Variants in CEACAM5 observed in about 807,000 individuals in gnomAD.
CEACAM5 encodes the protein cell adhesion molecule CEACAM5.
CEACAM5 carries 52 observed loss-of-function variants against 63.0 expected under a neutral mutation model. That is an observed-to-expected ratio of 0.83 (90% CI 0.66 to 1.04). CEACAM5 has a LOEUF of 1.04. CEACAM5 is among the 50% of genes least tolerant of loss of function. The pLI, the probability that CEACAM5 is intolerant of heterozygous loss-of-function variation, is 0.00. For synonymous variants in CEACAM5, 357 were observed against 351.3 expected, an observed-to-expected ratio of 1.02 and a Z score of -0.18; for missense variants, 790 against 864.8, an observed-to-expected ratio of 0.91 and a Z score of 1.08.
At chr19:41,720,833 A>T in intron 7 of CEACAM5, 89 bp from the exon 8 acceptor site, 1 of 1,511,644 alleles carries the variant, frequency 6.6e-7, no homozygotes, top group Non-Finnish European at 9.1e-7. Flanking sequence ...TTGGGACAGG[A>T]TTCAGAGGGA....
intron 8 of CEACAM5, among the ~76,000 whole-genome samples, chr19:41,722,570 A>G (rs2072639991): frequency 6.6e-6 from 1 of 152,140 alleles, no homozygotes; most frequent in African/African-American, 2.4e-5. Context: ...TAACGATCTT[A>G]CAAAAATGGA....
intron 2 of CEACAM5, among the ~76,000 whole-genome samples, chr19:41,714,420 G>T (rs1484617806): frequency 6.6e-6 from 1 of 152,168 alleles, no homozygotes; most frequent in Non-Finnish European, 1.5e-5. Flanking sequence ...TGACCTCCAG[G>T]CTTGCCTCTG....
In CEACAM5 at chr19:41,729,256, T is replaced by G. The variant is rs2072741323; in HGVS notation, c.*109T>G. On this transcript the variant is annotated 3_prime_UTR_variant, in exon 10 of 10. Coordinates refer to ENST00000221992, the MANE Select transcript of CEACAM5 (RefSeq NM_004363.6). ...AAAATTGCTTCTTTACCAAGGATAT[T>G]TACAGAAAAGACTCTGACCAGAGAT... The G allele has an allele frequency of 6.6e-6, 1 of 152,124 alleles. No homozygotes were observed. 9.4% of individuals were successfully genotyped at this position (152,124 alleles called of 1,614,324 possible).
rs782063496 is a variant in CEACAM5, at chr19:41,721,022, G to A, written c.1872G>A (p.Gln624=). The change falls in exon 8 of 10, where the codon CAG becomes CAA. Residue 624 remains glutamine (Q), a synonymous_variant. Transcript: ENST00000221992. The stretch of plus-strand genomic sequence containing the variant: ...ACTCGGCCTCTAACCCATCCCCGCA[G>A]TATTCTTGGCGTATCAATGGGATAC... ...SCHSASNPSP[Q]YSWRINGIPQ... 6.2e-7 allele frequency: 1 copy of A among 1,614,134 alleles called. No individual in the cohort carries two copies. Among genetic ancestry groups the A allele is most frequent in the Non-Finnish European group, 8.5e-7 (1 of 1,180,026 alleles).
chr19:41,710,724 G>A (rs1365914767), intron 2 of CEACAM5, among the ~76,000 whole-genome samples: 1 of 152,196 alleles, frequency 6.6e-6, no homozygotes, highest in Non-Finnish European at 1.5e-5. Context: ...GTGTCCCCAG[G>A]AAGAGGAACA....
Position 41,730,295 on chromosome 19 carries a change from G to A in CEACAM5, c.*1148G>A, listed in dbSNP as rs1008946128. On this transcript the variant is annotated 3_prime_UTR_variant, in exon 10 of 10. Coordinates refer to ENST00000221992, the MANE Select transcript of CEACAM5 (RefSeq NM_004363.6). ...AAGTTAGCCGGGCGTGGTGGTGGGG[G>A]CCTGTAGTCCCAGCTACTCAGGAGG... Among the ~76,000 whole-genome samples the A allele has an allele frequency of 2.0e-5, 3 of 151,920 alleles. No individual in the cohort carries two copies. In the South Asian group the frequency reaches 6.2e-4, roughly 32 times the overall value.
intron 8 of CEACAM5, among the ~76,000 whole-genome samples, chr19:41,724,049 T>C (rs187067354): frequency 4.6e-5 from 7 of 152,348 alleles, no homozygotes; most frequent in African/African-American, 1.7e-4. Context: ...ACTGTGAAAT[T>C]AAATGTCATT....
At chr19:41,717,882 G>A in intron 5 of CEACAM5, 149 bp downstream of exon 5, 1 of 1,110,834 alleles carries the variant, frequency 9.0e-7, no homozygotes, top group East Asian at 2.4e-5. Context: ...AATCCATGCA[G>A]GCCCAGTCCT....
chr19:41,723,879 G>T (rs1250909168), intron 8 of CEACAM5, among the ~76,000 whole-genome samples: 2 of 150,500 alleles, frequency 1.3e-5, no homozygotes, highest in South Asian at 2.1e-4. Context: ...AACCCAGGAG[G>T]CATAGCTTGC....
intron 4 of CEACAM5, 130 bp downstream of exon 4, chr19:41,716,034 C>T: frequency 9.9e-7 from 1 of 1,010,090 alleles, no homozygotes; most frequent in Non-Finnish European, 1.5e-6. Flanking sequence ...CAGATTCTCC[C>T]ACTGAACCTC....
rs527722854 is a variant in CEACAM5, at chr19:41,715,203, C to T, written c.657C>T (p.Asn219=). The change falls in exon 3 of 10, where the codon AAC becomes AAT. Residue 219 remains asparagine, a synonymous_variant. Transcript: ENST00000221992. ...DTASYKCETQ[N]PVSARRSDSV... is the part of the protein sequence containing the mutation. ...CAAGCTACAAATGTGAAACCCAGAA[C>T]CCAGTGAGTGCCAGGCGCAGTGATT... 5.0e-6 allele frequency: 8 copies of T among 1,614,230 alleles called. No homozygotes were observed. In the East Asian group the frequency reaches 6.7e-5, roughly 13 times the overall value.
intron 2 of CEACAM5, among the ~76,000 whole-genome samples, chr19:41,713,608 C>T (rs1350035611): frequency 1.3e-5 from 2 of 152,244 alleles, no homozygotes; most frequent in Non-Finnish European, 2.9e-5. Context: ...TTGACAACCA[C>T]CATTCTACTC....
At chr19:41,717,396 T>C in intron 4 of CEACAM5, 59 bp from the exon 5 acceptor site, 1 of 1,557,866 alleles carries the variant, frequency 6.4e-7, no homozygotes, top group Non-Finnish European at 8.7e-7. Context: ...GATTGATAGA[T>C]GCCCGTGGAG....
Position 41,714,984 on chromosome 19 carries a change from G to C in CEACAM5, c.438G>C (p.Lys146Asn). 1 of 1,614,208 alleles carries C rather than the reference G, an allele frequency of 6.2e-7. No individual in the cohort carries two copies. The change falls in exon 3 of 10, where the codon AAG (lysine) becomes AAC (asparagine). Residue 146 changes from lysine to asparagine, a missense_variant. Transcript: ENST00000221992. ...GQFRVYPELP[K>N]PSISSNNSKP... ...TTATCTGCACAGCGGAGCTGCCCAA[G>C]CCCTCCATCTCCAGCAACAACTCCA...
At chr19:41,724,724 T>C (rs2072673717) in intron 8 of CEACAM5, among the ~76,000 whole-genome samples, 1 of 152,248 alleles carries the variant, frequency 6.6e-6, no homozygotes, top group Non-Finnish European at 1.5e-5. Flanking sequence ...TACTATTTTA[T>C]GTTAATGTGA....
chr19:41,729,110 G>A (rs2072739527), intron 9 of CEACAM5, 74 bp from the exon 10 acceptor site: 1 of 152,146 alleles, frequency 6.6e-6, no homozygotes, highest in Admixed American at 6.5e-5. Flanking sequence ...ATTTCTATGT[G>A]AGTTGTGTTC....
At chr19:41,723,139 C>T (rs1365006386) in intron 8 of CEACAM5, among the ~76,000 whole-genome samples, 2 of 152,024 alleles carry the variant, frequency 1.3e-5, no homozygotes, top group Non-Finnish European at 1.5e-5. Flanking sequence ...GTCTCGATCT[C>T]CTGACCTCGT....
rs2072400047 is a variant in CEACAM5 at position 41,709,610 on chromosome 19, C to A, written c.65-70C>A. Reference sequence around the variant, plus strand: ...GGGGGATGAAGAGACCTGCTCAGGACCCAGGACCCCATTTTTCCACCCTAA... The same window carrying A: ...GGGGGATGAAGAGACCTGCTCAGGAACCAGGACCCCATTTTTCCACCCTAA... On this transcript the variant is annotated intron_variant, in intron 1 of 9. Transcript: ENST00000221992. The A allele has an allele frequency of 3.2e-6, 5 of 1,558,448 alleles. No homozygotes were observed. In the Admixed American group the frequency reaches 5.5e-5, roughly 17 times the overall value.
intron 8 of CEACAM5, among the ~76,000 whole-genome samples, chr19:41,722,033 A>G (rs1233751788): frequency 6.6e-6 from 1 of 152,160 alleles, no homozygotes; most frequent in Non-Finnish European, 1.5e-5. Context: ...ATCAGCCACT[A>G]TATATATCTA....
Sources: allele counts gnomAD v4.1 joint callset (sites outside exome capture counted in the v4.1 genomes callset), GRCh38; gene constraint gnomAD v4.1.1; transcripts MANE v1.5; gene names NCBI Gene and HGNC (gene_info 2026-07-23, HGNC 2026-07-21).